The following CTCF variants were observed in gnomAD, a reference collection of about 807,000 sequenced individuals.
CTCF encodes the protein transcriptional repressor CTCF.
In CTCF, 7 loss-of-function variants were observed where a neutral mutation model predicts 72.3. The ratio of observed to expected loss-of-function variants is 0.10; its 90% CI spans 0.06 to 0.18. The LOEUF (loss-of-function observed/expected upper bound fraction) is 0.18. Ranked by LOEUF, CTCF falls within the 10% of genes least tolerant of loss-of-function variation. The probability of loss-of-function intolerance (pLI) is 1.00; values close to 1 mark genes in which losing one functional copy is unlikely to be tolerated. For missense variants in CTCF, 516 were observed against 949.1 expected (o/e 0.54, Z 6.00); for synonymous variants, 374 against 315.8 (o/e 1.18, Z -1.95).
intron 2 of CTCF, among the ~76,000 whole-genome samples, chr16:67,584,436 G>A (rs1453709141): frequency 6.8e-6 from 1 of 147,056 alleles, no homozygotes; most frequent in Non-Finnish European, 1.5e-5. Flanking sequence ...TGCCCCCCAG[G>A]TTCAAGCGAT....
intron 2 of CTCF, among the ~76,000 whole-genome samples, chr16:67,591,509 C>CT (rs1360945265): frequency 9.9e-5 from 15 of 152,126 alleles, no homozygotes; most frequent in Admixed American, 8.5e-4. Flanking sequence ...TTCACTGATA[C>CT]TTTGCTTTGA....
chr16:67,572,946 C>CA (rs1567591028), intron 2 of CTCF, among the ~76,000 whole-genome samples: 2 of 102,344 alleles, frequency 2.0e-5, no homozygotes, highest in Admixed American at 8.9e-5. Flanking sequence ...TGCCCCCCCC[C>CA]GCCCCCCCCC....
chr16:67,601,411 T>C (rs866238602), intron 2 of CTCF, among the ~76,000 whole-genome samples: 2 of 151,446 alleles, frequency 1.3e-5, no homozygotes, highest in Non-Finnish European at 2.9e-5. Flanking sequence ...TGATCTCGGC[T>C]CACTGCAAGC....
chr16:67,593,853 A>G (rs2051777659), intron 2 of CTCF, among the ~76,000 whole-genome samples: 1 of 152,186 alleles, frequency 6.6e-6, no homozygotes, highest in Non-Finnish European at 1.5e-5. Flanking sequence ...CTCAGTACAC[A>G]TGGATTATTC....
intron 2 of CTCF, among the ~76,000 whole-genome samples, chr16:67,607,446 C>T (rs2051989647): frequency 6.6e-6 from 1 of 151,974 alleles, no homozygotes; most frequent in Non-Finnish European, 1.5e-5. Context: ...GCTGGGATTA[C>T]AGGTGCACAC....
At chr16:67,622,228 C>T (rs1384707883) in intron 7 of CTCF, among the ~76,000 whole-genome samples, 2 of 151,694 alleles carry the variant, frequency 1.3e-5, no homozygotes, top group Non-Finnish European at 2.9e-5. Context: ...TGGTGGTGGG[C>T]GCCTGTAGTC....
chr16:67,631,581 A>C (rs1162574311), intron 10 of CTCF, among the ~76,000 whole-genome samples: 1 of 151,586 alleles, frequency 6.6e-6, no homozygotes, highest in East Asian at 1.9e-4. Flanking sequence ...GATTATAGGC[A>C]TGAGCCACTG....
Position 67,610,899 on chromosome 16 carries a change from A to G in CTCF, c.67A>G (p.Lys23Glu). ...SETFIKGKER[K>E]TYQRRREGGQ... ...AACTTTTATTAAAGGAAAGGAGAGAAAGACTTACCAGAGACGCCGGGAAGG... is the reference window on the plus strand; with the variant it reads ...AACTTTTATTAAAGGAAAGGAGAGAGAGACTTACCAGAGACGCCGGGAAGG... Residue 23 changes from lysine (K) to glutamate (E), a missense_variant, in exon 3 of 12, where the codon AAG (lysine) becomes GAG (glutamate). Transcript: ENST00000264010. The G allele has an allele frequency of 1.3e-6, 2 of 1,521,110 alleles. No homozygotes were observed. The highest frequency in any genetic ancestry group is 1.8e-6 in the Non-Finnish European group (2 of 1,135,070). The allele number at this position is 1,521,110 out of a possible 1,614,324, so 94.2% of individuals were successfully genotyped here.
chr16:67,573,526 G>A (rs2051453655), intron 2 of CTCF, among the ~76,000 whole-genome samples: 1 of 152,110 alleles, frequency 6.6e-6, no homozygotes, highest in Non-Finnish European at 1.5e-5. Context: ...AGATAACATA[G>A]GTCTTCAACA....
intron 1 of CTCF, among the ~76,000 whole-genome samples, chr16:67,565,822 A>G (rs2051335786): frequency 1.3e-5 from 2 of 152,180 alleles, no homozygotes; most frequent in African/African-American, 2.4e-5. Flanking sequence ...TACACACGCA[A>G]ATGGGGGCAC....
chr16:67,582,368 A>G (rs2051595062), intron 2 of CTCF, among the ~76,000 whole-genome samples: 1 of 151,818 alleles, frequency 6.6e-6, no homozygotes, highest in African/African-American at 2.4e-5. Flanking sequence ...TGTTGTTTCT[A>G]CCTATTCCTC....
Position 67,610,941 on chromosome 16 carries a change from G to A in CTCF, c.109G>A (p.Ala37Thr). 1.9e-6 allele frequency: 3 copies of A among 1,565,484 alleles called. No individual in the cohort carries two copies. Among genetic ancestry groups the A allele is most frequent in the Non-Finnish European group, 2.6e-6 (3 of 1,152,866 alleles). Residue 37 changes from alanine to threonine, a missense_variant, in exon 3 of 12, where the codon GCC becomes ACC. Physicochemically the swap from Ala to Thr is moderately conservative, Grantham distance 58 (BLOSUM62 0). Around this residue, in one of 7 missense-constraint regions of CTCF, gnomAD observed 148 missense variants for 194.9 expected, o/e 0.76. Transcript: ENST00000264010. ...RRREGGQEED[A>T]CHLPQNQTDG... Reference sequence around the variant, plus strand: ...CCGGGAAGGGGGCCAGGAAGAAGATGCCTGCCACTTACCCCAGAACCAGAC... The same window carrying A: ...CCGGGAAGGGGGCCAGGAAGAAGATACCTGCCACTTACCCCAGAACCAGAC...
At position 67,608,835 on chromosome 16, in the gene CTCF, T is replaced by A. The variant is rs1454040085; in HGVS notation, c.-9-1989T>A. Among the ~76,000 whole-genome samples the A allele has an allele frequency of 7.9e-5, 12 of 151,756 alleles. No homozygotes were observed. The South Asian group carries it at 2.3e-3, about 29-fold the overall frequency. Reference sequence around the variant, plus strand: ...CTCACCGCAACCTCCACCTCCCGGGTCAAACGATTCTCCTGCCTCAGCCTC... The same window carrying A: ...CTCACCGCAACCTCCACCTCCCGGGACAAACGATTCTCCTGCCTCAGCCTC... On this transcript the variant is annotated intron_variant, in intron 2 of 11. Transcript: ENST00000264010.
chr16:67,605,997 C>A (rs1054844842), intron 2 of CTCF, among the ~76,000 whole-genome samples: 1 of 152,186 alleles, frequency 6.6e-6, no homozygotes, highest in African/African-American at 2.4e-5. Context: ...AAAGTAGAGA[C>A]ACACTTTTTG....
intron 1 of CTCF, among the ~76,000 whole-genome samples, chr16:67,569,426 C>T (rs887798526): frequency 4.6e-5 from 7 of 151,822 alleles, no homozygotes; most frequent in East Asian, 1.9e-4. Flanking sequence ...CCTCGTGATC[C>T]GCCCGCTTTG....
intron 2 of CTCF, among the ~76,000 whole-genome samples, chr16:67,602,496 G>A (rs1323046907): frequency 1.3e-5 from 2 of 152,108 alleles, no homozygotes; most frequent in Non-Finnish European, 2.9e-5. Flanking sequence ...TCCCTTTGCA[G>A]GGATACTAAC....
At chr16:67,621,725 T>C (rs981973776) in intron 7 of CTCF, 134 bp downstream of exon 7, 18 of 591,768 alleles carry the variant, frequency 3.0e-5, no homozygotes, top group Non-Finnish European at 4.8e-5. Context: ...TCACTTAGTT[T>C]AGTAAAAGCC....
In CTCF at chr16:67,568,001, G is replaced by C. The variant is rs547203639; in HGVS notation, c.-126-3147G>C. ...CAGCCTTGTCCCCCACCTGCCCCAA[G>C]CGATCCTCCCACCTCAGCCTTCCAA... On this transcript the variant is annotated intron_variant, in intron 1 of 11. Coordinates refer to ENST00000264010, the MANE Select transcript of CTCF (RefSeq NM_006565.4). 1.6e-3 allele frequency: 240 copies of C among 145,600 alleles called. 1 individual carries two copies. The highest frequency in any genetic ancestry group is 5.9e-3 in the African/African-American group (228 of 38,552). 9.0% of individuals were successfully genotyped at this position (145,600 alleles called of 1,614,324 possible).
chr16:67,593,286 C>T (rs1361773453), intron 2 of CTCF, among the ~76,000 whole-genome samples: 2 of 151,952 alleles, frequency 1.3e-5, no homozygotes, highest in African/African-American at 4.8e-5. Flanking sequence ...ACAATTGTTG[C>T]TCATCACCCA....
Sources: gnomAD v4.1 joint callset for allele counts (sites outside exome capture counted in the v4.1 genomes callset) on GRCh38, gnomAD v4.1.1 for gene constraint, gnomAD v4.1.1 regional missense constraint, MANE v1.5 for transcripts, NCBI Gene and HGNC (gene_info 2026-07-23, HGNC 2026-07-21) for gene names.